Variants in AGO4 observed in about 807,000 individuals in gnomAD.
The protein encoded by AGO4 is protein argonaute-4.
In AGO4, 33 loss-of-function variants were observed where a neutral mutation model predicts 104.7. The observed-to-expected ratio is 0.32, with a 90% CI of 0.24 to 0.42. AGO4 has a LOEUF of 0.42. AGO4 is among the 10% of genes least tolerant of loss of function. AGO4 has a pLI of 1.00. For missense variants in AGO4, 711 were observed against 1,083.4 expected (o/e 0.66, Z 4.83); for synonymous variants, 331 against 364.7 (o/e 0.91, Z 1.05).
chr1:35,836,892 C>T (rs900100946), intron 13 of AGO4, among the ~76,000 whole-genome samples: 1 of 152,156 alleles, frequency 6.6e-6, no homozygotes, highest in Non-Finnish European at 1.5e-5. Context: ...TACCAATTTA[C>T]ACTTACACTG....
chr1:35,837,631 C>T (rs1486545187), intron 13 of AGO4, among the ~76,000 whole-genome samples: 1 of 152,218 alleles, frequency 6.6e-6, no homozygotes, highest in Non-Finnish European at 1.5e-5. Context: ...CCTCCTGGCT[C>T]AGCCTCCCGA....
intron 15 of AGO4, among the ~76,000 whole-genome samples, chr1:35,842,887 T>A (rs1644479228): frequency 6.6e-6 from 1 of 152,208 alleles, no homozygotes; most frequent in South Asian, 2.1e-4. Flanking sequence ...TATTAATAGA[T>A]AATCTTGCTT....
At chr1:35,815,340 G>C (rs753045092) in intron 1 of AGO4, among the ~76,000 whole-genome samples, 2 of 152,160 alleles carry the variant, frequency 1.3e-5, no homozygotes, top group Admixed American at 1.3e-4. Flanking sequence ...TTTTAGGCCA[G>C]TATCCACTTG....
chr1:35,827,528 AAAAG>A (rs1644054611), intron 7 of AGO4, among the ~76,000 whole-genome samples: 1 of 152,152 alleles, frequency 6.6e-6, no homozygotes, highest in Admixed American at 6.5e-5. Context: ...TCAAAAGAAA[AAAAG>A]AAAGAAATTG....
intron 12 of AGO4, among the ~76,000 whole-genome samples, chr1:35,835,388 C>T (rs531881381): frequency 1.3e-5 from 2 of 152,190 alleles, no homozygotes; most frequent in South Asian, 4.1e-4. Context: ...TGTCTTTAAC[C>T]TTCTCTCTAC....
chr1:35,851,738 A>G (rs768968963), intron 17 of AGO4, among the ~76,000 whole-genome samples: 1 of 152,206 alleles, frequency 6.6e-6, no homozygotes, highest in African/African-American at 2.4e-5. Context: ...AAAATACACT[A>G]TTATGGAAAA....
chr1:35,808,251 C>A lies in AGO4; in HGVS notation c.-166C>A, dbSNP rs1353563271. On this transcript the variant is annotated 5_prime_UTR_variant, in exon 1 of 18. Coordinates refer to ENST00000373210, the MANE Select transcript of AGO4 (RefSeq NM_017629.4). The surrounding 1 kb of genome is among the most constrained non-coding windows in gnomAD (Gnocchi z 5.2). ...AGAGCCGGAGCCGGGTCCCTGTCCC[C>A]GGGCCGGGCGCCGCCGCCGCCCCCT... 5.7e-6 allele frequency: 1 copy of A among 174,348 alleles called. No homozygotes were observed. The highest frequency in any genetic ancestry group is 2.4e-5 in the African/African-American group (1 of 41,286). The allele number at this position is 174,348 out of a possible 1,614,324, so 10.8% of individuals were successfully genotyped here.
chr1:35,839,987 ATTGTT>A (rs1402966480), intron 13 of AGO4, among the ~76,000 whole-genome samples: 1 of 148,962 alleles, frequency 6.7e-6, no homozygotes. Flanking sequence ...AAAAAAGGGT[ATTGTT>A]TTGTTTTGTT....
In AGO4 at chr1:35,810,896, T is replaced by C. The variant is rs540574197; in HGVS notation, c.19+2461T>C. Among the ~76,000 whole-genome samples the C allele has an allele frequency of 9.2e-5, 14 of 151,468 alleles. No homozygotes were observed. The South Asian group carries it at 2.1e-3, about 22-fold the overall frequency. ...CCTGTAATCCCAGCACTTTGGGAGG[T>C]TGAGGTGGGCGGATCATTTGCGGCC... On this transcript the variant is annotated intron_variant, in intron 1 of 17. Transcript: ENST00000373210.
intron 13 of AGO4, among the ~76,000 whole-genome samples, chr1:35,837,746 C>G (rs1644349138): frequency 6.6e-6 from 1 of 151,858 alleles, no homozygotes; most frequent in Non-Finnish European, 1.5e-5. Flanking sequence ...GGTTGTGAGT[C>G]TTTTTCATTA....
chr1:35,826,070 T>A lies in AGO4; in HGVS notation c.760+10T>A. 2 of 1,613,620 alleles carry A rather than the reference T, an allele frequency of 1.2e-6. No individual in the cohort carries two copies. The highest frequency in any genetic ancestry group is 4.5e-5 in the East Asian group (2 of 44,884). The stretch of plus-strand genomic sequence containing the variant: ...ACCAAAGAAATCAGAGGTAAGTGTT[T>A]GCATTAATGTAGTCTTGGAGAAGCA... On this transcript the variant is annotated intron_variant, in intron 6 of 17. Coordinates refer to ENST00000373210, the MANE Select transcript of AGO4 (RefSeq NM_017629.4).
At chr1:35,832,344 C>G in intron 10 of AGO4, 93 bp from the exon 11 acceptor site, 1 of 1,492,890 alleles carries the variant, frequency 6.7e-7, no homozygotes, top group Non-Finnish European at 8.9e-7. Context: ...TGTTTATTCA[C>G]TAGTCAATAG....
rs751784916 is a variant in AGO4 at position 35,853,750 on chromosome 1, T to C, written c.*145T>C. The C allele has an allele frequency of 1.6e-6, 1 of 613,032 alleles. No individual in the cohort carries two copies. Among genetic ancestry groups the C allele is most frequent in the Non-Finnish European group, 2.9e-6 (1 of 348,006 alleles). The allele number at this position is 613,032 out of a possible 1,614,324, so 38.0% of individuals were successfully genotyped here. ...GAATAGTTGCACTGAATCTATACTTTGCAGCACTGTCTGATGCGTCAACAA... is the reference window on the plus strand; with the variant it reads ...GAATAGTTGCACTGAATCTATACTTCGCAGCACTGTCTGATGCGTCAACAA... On this transcript the variant is annotated 3_prime_UTR_variant, in exon 18 of 18. Transcript: ENST00000373210.
chr1:35,840,590 C>G (rs577798496), intron 13 of AGO4, among the ~76,000 whole-genome samples: 1 of 151,672 alleles, frequency 6.6e-6, no homozygotes, highest in Non-Finnish European at 1.5e-5. Context: ...TGAGCCACCA[C>G]GCCCGGCCTC....
chr1:35,840,993 T>A (rs191887398), intron 13 of AGO4, among the ~76,000 whole-genome samples, 172 bp from the exon 14 acceptor site: 1 of 152,216 alleles, frequency 6.6e-6, no homozygotes, highest in Admixed American at 6.5e-5. Context: ...CCAGAGTCAC[T>A]GTACTGGGTG....
rs1643394558 is a variant in AGO4 at position 35,808,861 on chromosome 1, C to A, written c.19+426C>A. Among the ~76,000 whole-genome samples, 1 of 152,208 alleles carries A rather than the reference C, an allele frequency of 6.6e-6. No individual in the cohort carries two copies. Among genetic ancestry groups the A allele is most frequent in the African/African-American group, 2.4e-5 (1 of 41,472 alleles). ...CCGGTAGTCCTGGTTTGGGGCCGCGCCCCTATTTTTCTTTGCACTGGCAGA... is the reference window on the plus strand; with the variant it reads ...CCGGTAGTCCTGGTTTGGGGCCGCGACCCTATTTTTCTTTGCACTGGCAGA... On this transcript the variant is annotated intron_variant, in intron 1 of 17. Coordinates refer to ENST00000373210, the MANE Select transcript of AGO4 (RefSeq NM_017629.4). This position sits in a 1 kb window ranked among gnomAD's most constrained non-coding sequence, Gnocchi z 5.2.
rs951669556 is a variant in AGO4, at chr1:35,825,184, A to G, written c.307-129A>G. The G allele has an allele frequency of 1.1e-5, 10 of 907,068 alleles. No individual in the cohort carries two copies. The African/African-American group carries it at 1.7e-4, about 15-fold the overall frequency. The allele number at this position is 907,068 out of a possible 1,614,324, so 56.2% of individuals were successfully genotyped here. A position where few individuals can be genotyped will look rare whatever the true frequency, so the allele number is the denominator to read the frequency against. On this transcript the variant is annotated intron_variant, in intron 3 of 17. Coordinates refer to ENST00000373210, the MANE Select transcript of AGO4 (RefSeq NM_017629.4). ...TACTCATGGACACTAAGTTGTTTCCAATGTTACACAATTGTAAAAAAAAGT... is the reference window on the plus strand; with the variant it reads ...TACTCATGGACACTAAGTTGTTTCCGATGTTACACAATTGTAAAAAAAAGT...
intron 1 of AGO4, among the ~76,000 whole-genome samples, chr1:35,814,991 C>T (rs556659935): frequency 6.6e-6 from 1 of 152,262 alleles, no homozygotes; most frequent in South Asian, 2.1e-4. Context: ...GATTCTCCTG[C>T]CTCAGCCTCC....
At chr1:35,832,274 T>C in intron 10 of AGO4, 89 bp downstream of exon 10, 2 of 1,555,982 alleles carry the variant, frequency 1.3e-6, no homozygotes, top group Non-Finnish European at 1.7e-6. Context: ...CACTGCTGAA[T>C]TTACCCATAG....
Sources: gnomAD v4.1 joint callset for allele counts (sites outside exome capture counted in the v4.1 genomes callset) on GRCh38, gnomAD v4.1.1 for gene constraint, Gnocchi (gnomAD v3.1) non-coding constraint, MANE v1.5 for transcripts, NCBI Gene and HGNC (gene_info 2026-07-23, HGNC 2026-07-21) for gene names.